MYH7B: variants seen among roughly 807,000 people sequenced by gnomAD.
MYH7B encodes myosin heavy chain 7B.
MYH7B carries 205 observed loss-of-function variants against 234.5 expected under a neutral mutation model. That is an observed-to-expected ratio of 0.87 (90% confidence interval 0.78 to 0.98). The LOEUF (loss-of-function observed/expected upper bound fraction) is 0.98. Among genes scored for constraint, MYH7B ranks in the 50% least tolerant of loss-of-function variants. MYH7B has a pLI of 0.00. For missense variants in MYH7B, 2,652 were observed against 2,633.4 expected, an observed-to-expected ratio of 1.01 and a Z score of -0.15; for synonymous variants, 1,193 against 1,105.0, an observed-to-expected ratio of 1.08 and a Z score of -1.58.
chr20:35,000,605 CCTGGAG>C, exon 39 of MYH7B: 2 of 1,572,054 alleles, frequency 1.3e-6, no homozygotes, highest in Non-Finnish European at 1.7e-6. Context: ...TGCGGGCTGC[CCTGGAG>C]CAGGGCGAGC....
intron 2 of MYH7B, among the ~76,000 whole-genome samples, chr20:34,970,395 C>T (rs2081781652): frequency 6.6e-6 from 1 of 152,196 alleles, no homozygotes; most frequent in African/African-American, 2.4e-5. Flanking sequence ...GTCCCATGTC[C>T]ACTAGTCCTG....
chr20:34,957,272 G>T (rs1443135897), intron 1 of MYH7B, among the ~76,000 whole-genome samples: 1 of 152,170 alleles, frequency 6.6e-6, no homozygotes, highest in East Asian at 1.9e-4. Context: ...AGTTTTGTGT[G>T]TTAGGCACTG....
chr20:34,982,555 C>A lies in MYH7B; in HGVS notation c.624C>A (p.Ala208=), dbSNP rs554955898. ...TGGGAGACGGGCCGGGCAAGAAGGC[C>A]GTAAGACTTGCCCACTCGGGCATGC... Residue 208 remains alanine (A), a splice_region_variant and synonymous_variant, in exon 10 of 45, where the codon GCC becomes GCA. Coordinates refer to ENST00000262873, the Ensembl canonical transcript of MYH7B. 3 of 1,595,616 alleles carry A rather than the reference C, an allele frequency of 1.9e-6. No individual in the cohort carries two copies. The Admixed American group carries it at 5.1e-5, about 27-fold the overall frequency.
intron 7 of MYH7B, 60 bp downstream of exon 7, chr20:34,979,864 A>G: frequency 2.0e-6 from 3 of 1,523,822 alleles, no homozygotes; most frequent in Non-Finnish European, 2.7e-6. Flanking sequence ...GGGGCTAGAG[A>G]TGAGGTGCTG....
At chr20:34,971,715 C>T (rs1005566650) in intron 2 of MYH7B, among the ~76,000 whole-genome samples, 5 of 152,272 alleles carry the variant, frequency 3.3e-5, no homozygotes, top group African/African-American at 9.6e-5. Context: ...GCATCCTCCA[C>T]ACCAGCTGCC....
At chr20:34,986,013 C>A in intron 13 of MYH7B, 87 bp from the exon 14 acceptor site, 2 of 1,174,376 alleles carry the variant, frequency 1.7e-6, no homozygotes, top group Non-Finnish European at 2.5e-6. Context: ...ACACTCCCTG[C>A]CCACCTCTCT....
At chr20:34,972,272 A>T (rs116221873) in intron 2 of MYH7B, among the ~76,000 whole-genome samples, 1 of 152,202 alleles carries the variant, frequency 6.6e-6, no homozygotes, top group African/African-American at 2.4e-5. Context: ...CTTGTTGACC[A>T]CTAGGACGGC....
chr20:34,977,366 T>C (rs6120778), intron 3 of MYH7B, among the ~76,000 whole-genome samples: 93,484 of 151,438 alleles, frequency 0.62, 30,205 homozygotes, highest in African/African-American at 0.81. Context: ...CTGCGTGACT[T>C]GGTTTCTCCC....
chr20:34,985,676 G>A (rs944557807), intron 13 of MYH7B, among the ~76,000 whole-genome samples: 3 of 152,150 alleles, frequency 2.0e-5, no homozygotes, highest in Non-Finnish European at 2.9e-5. Flanking sequence ...CCCACATTGG[G>A]CTGCATGGCT....
chr20:34,970,504 G>GC (rs1569028779), intron 2 of MYH7B, among the ~76,000 whole-genome samples: 2 of 152,134 alleles, frequency 1.3e-5, no homozygotes, highest in African/African-American at 4.8e-5. Context: ...TCATCAGGTG[G>GC]CCCTGGTGAG....
In MYH7B at chr20:34,977,061, C is replaced by CTCT. The variant is rs111959760; in HGVS notation, c.-121-571_-121-570insTCT. On this transcript the variant is annotated intron_variant, in intron 3 of 44. Coordinates refer to ENST00000262873, the Ensembl canonical transcript of MYH7B. ...TGTCCCTCTCCCCCTACCCCTCCCCCCTCTCTCTCTCCCTCTCACTCCTTC... is the reference window on the plus strand; with the variant it reads ...TGTCCCTCTCCCCCTACCCCTCCCCCTCTCTCTCTCTCTCCCTCTCACTCCTTC... Among the ~76,000 whole-genome samples, 8 of 134,586 alleles carry CTCT rather than the reference C, an allele frequency of 5.9e-5. No individual in the cohort carries two copies. In the East Asian group the frequency reaches 1.6e-3, roughly 27 times the overall value. The allele number at this position is 134,586 out of a possible 152,430, so 88.3% of individuals were successfully genotyped here.
At position 35,001,354 on chromosome 20, in the gene MYH7B, G is replaced by A. The variant is rs1402796499; in HGVS notation, c.5580+5G>A. On this transcript the variant is annotated splice_donor_5th_base_variant and intron_variant, in intron 42 of 44. Transcript: ENST00000262873. ...GTCAAGGAGCTCGCATACCAGGTGG[G>A]CGACAGGGTCTCCCTGGGGAGTGGC... is the stretch of plus-strand genomic sequence containing the variant. 2.5e-6 allele frequency: 4 copies of A among 1,605,318 alleles called. No homozygotes were observed. The highest frequency in any genetic ancestry group is 2.6e-6 in the Non-Finnish European group (3 of 1,176,338).
intron 22 of MYH7B, chr20:34,990,536 G>T: frequency 1.2e-6 from 1 of 820,824 alleles, no homozygotes. Context: ...CTCTGGGAGG[G>T]ACGGGGATTT....
exon 28 of MYH7B, chr20:34,995,469 C>T (rs1234080966): frequency 6.2e-7 from 1 of 1,613,998 alleles, no homozygotes; most frequent in Non-Finnish European, 8.5e-7. Flanking sequence ...GACCTGGCCG[C>T]CCGCCGGCGC....
At chr20:34,994,482 C>A (rs2082216383) in intron 27 of MYH7B, 81 bp downstream of exon 27, 21 of 1,444,198 alleles carry the variant, frequency 1.5e-5, no homozygotes, top group Middle Eastern at 2.6e-4. Flanking sequence ...ACAGCGAGAC[C>A]CATGGGGCTC....
At position 34,982,565 on chromosome 20, in the gene MYH7B, G is replaced by T; in HGVS notation, c.624+10G>T. On this transcript the variant is annotated intron_variant, in intron 10 of 44. Coordinates refer to ENST00000262873, the Ensembl canonical transcript of MYH7B. ...GCCGGGCAAGAAGGCCGTAAGACTT[G>T]CCCACTCGGGCATGCTCCCCGTTGC... The T allele has an allele frequency of 6.3e-7, 1 of 1,576,202 alleles. No homozygotes were observed. Among genetic ancestry groups the T allele is most frequent in the Non-Finnish European group, 8.6e-7 (1 of 1,156,712 alleles).
chr20:35,001,737 C>T, intron 43 of MYH7B: 1 of 890,858 alleles, frequency 1.1e-6, no homozygotes. Context: ...GCTGGGGCTG[C>T]CTCTGAGGGG....
chr20:34,991,360 A>C (rs1356143768), intron 24 of MYH7B, among the ~76,000 whole-genome samples: 1 of 152,182 alleles, frequency 6.6e-6, no homozygotes, highest in Non-Finnish European at 1.5e-5. Flanking sequence ...CCTCGCTGAT[A>C]AGCTGGACAT....
At chr20:34,997,301 G>A in exon 32 of MYH7B, 1 of 1,554,030 alleles carries the variant, frequency 6.4e-7, no homozygotes, top group East Asian at 2.4e-5. Flanking sequence ...GGGCAGCCCG[G>A]GCCCGCGTGG....
Sources: gnomAD v4.1 joint callset for allele counts (sites outside exome capture counted in the v4.1 genomes callset) on GRCh38, gnomAD v4.1.1 for gene constraint, MANE v1.5 for transcripts, NCBI Gene and HGNC (gene_info 2026-07-23, HGNC 2026-07-21) for gene names.